The following KCNH5 variants were observed in gnomAD, a reference collection of about 807,000 sequenced individuals.
The protein encoded by KCNH5 is potassium voltage-gated channel subfamily H member 5.
Under a neutral mutation model 96.1 loss-of-function variants are expected in KCNH5, and 46 were observed. That is an observed-to-expected ratio of 0.48 (90% CI 0.38 to 0.61). The LOEUF (loss-of-function observed/expected upper bound fraction) is 0.61. Ranked by LOEUF, KCNH5 falls within the 20% of genes least tolerant of loss-of-function variation. The pLI is 0.00. For missense variants in KCNH5, 907 were observed against 1,225.8 expected (o/e 0.74, Z 3.88); for synonymous variants, 439 against 449.8 (o/e 0.98, Z 0.30).
rs576747522 is a variant in KCNH5, at chr14:63,013,598, T to C, written c.197+3233A>G. On this transcript the variant is annotated intron_variant, in intron 2 of 10. Transcript: ENST00000322893. The stretch of plus-strand genomic sequence containing the variant: ...ATTTTCTTTTTTTCTCTCTCTGTTA[T>C]TTTGTGTCTCACACTTAAAGGCTTT... Among the ~76,000 whole-genome samples the C allele has an allele frequency of 1.4e-4, 21 of 152,146 alleles. No homozygotes were observed. In the East Asian group the frequency reaches 3.3e-3, roughly 24 times the overall value.
chr14:62,986,714 G>A (rs558998732), intron 5 of KCNH5, among the ~76,000 whole-genome samples: 2 of 152,172 alleles, frequency 1.3e-5, no homozygotes, highest in South Asian at 4.1e-4. Flanking sequence ...TTGATGACAG[G>A]GCCCATTTCT....
chr14:62,799,726 T>TATATATATATACACAC (rs1213484157), intron 9 of KCNH5, among the ~76,000 whole-genome samples: 27 of 68,644 alleles, frequency 3.9e-4, no homozygotes, highest in Non-Finnish European at 5.2e-4. Context: ...TATATATATA[T>TATATATATATACACAC]ACACACACAC....
chr14:62,984,936 G>A (rs946611551), intron 5 of KCNH5, among the ~76,000 whole-genome samples: 12 of 152,178 alleles, frequency 7.9e-5, no homozygotes, highest in Admixed American at 5.9e-4. Flanking sequence ...ACTTGTTGTC[G>A]CTCTGTTGTG....
rs144469418 is a variant in KCNH5, at chr14:62,947,122, G to A, written c.1369+3011C>T. On this transcript the variant is annotated intron_variant, in intron 7 of 10. Coordinates refer to ENST00000322893, the MANE Select transcript of KCNH5 (RefSeq NM_139318.5). ...TAATTATTGGAGGAAACTAGGTGAA[G>A]GTAACAAAGGCCCTCTCCACACTAT... Among the ~76,000 whole-genome samples, 374 of 152,188 alleles carry A rather than the reference G, an allele frequency of 2.5e-3. 2 individuals carry two copies. Among genetic ancestry groups the A allele is most frequent in the African/African-American group, 8.7e-3 (361 of 41,534 alleles).
intron 9 of KCNH5, among the ~76,000 whole-genome samples, chr14:62,801,990 C>G (rs1886671305): frequency 6.6e-6 from 1 of 152,140 alleles, no homozygotes; most frequent in South Asian, 2.1e-4. Context: ...CTGAGACTAA[C>G]ACCCTTCATC....
At chr14:62,978,538 G>T (rs916286269) in intron 6 of KCNH5, among the ~76,000 whole-genome samples, 22 of 148,094 alleles carry the variant, frequency 1.5e-4, no homozygotes, top group Non-Finnish European at 2.5e-4. Flanking sequence ...AGTGAGCCGA[G>T]ACAGAGCCCC....
intron 7 of KCNH5, among the ~76,000 whole-genome samples, chr14:62,900,750 T>G (rs1595676513): frequency 6.6e-6 from 1 of 151,564 alleles, no homozygotes; most frequent in South Asian, 2.1e-4. Flanking sequence ...AACAAAGATA[T>G]GATGAGGAGG....
intron 7 of KCNH5, among the ~76,000 whole-genome samples, chr14:62,946,777 G>C (rs532574989): frequency 6.6e-6 from 1 of 152,224 alleles, no homozygotes; most frequent in East Asian, 1.9e-4. Context: ...ATTCAACTTA[G>C]ATGGATCTCA....
chr14:63,033,621 G>A (rs545101802), intron 1 of KCNH5, among the ~76,000 whole-genome samples: 1 of 152,266 alleles, frequency 6.6e-6, no homozygotes, highest in South Asian at 2.1e-4. Flanking sequence ...CATGAGGTCA[G>A]GGGCCGTGTC....
chr14:63,027,468 C>A, intron 1 of KCNH5, among the ~76,000 whole-genome samples: 1 of 140,844 alleles, frequency 7.1e-6, no homozygotes. Flanking sequence ...TTAAAAACTT[C>A]AAGTTGGTTT....
chr14:62,767,782 G>A (rs1033288965), intron 10 of KCNH5, among the ~76,000 whole-genome samples: 1 of 152,026 alleles, frequency 6.6e-6, no homozygotes, highest in African/African-American at 2.4e-5. Context: ...TTCCCATGTA[G>A]CAAACCTGTA....
At chr14:62,968,180 C>G (rs1464842465) in intron 6 of KCNH5, among the ~76,000 whole-genome samples, 1 of 152,170 alleles carries the variant, frequency 6.6e-6, no homozygotes, top group African/African-American at 2.4e-5. Context: ...AATTTAAAAG[C>G]TTAGATGACA....
At chr14:62,908,915 G>T (rs1448142130) in intron 7 of KCNH5, among the ~76,000 whole-genome samples, 1 of 146,288 alleles carries the variant, frequency 6.8e-6, no homozygotes, top group Non-Finnish European at 1.5e-5. Flanking sequence ...CTGACTCATT[G>T]ACCTACTACC....
chr14:62,978,818 A>G (rs1444149411), intron 6 of KCNH5, among the ~76,000 whole-genome samples: 1 of 152,180 alleles, frequency 6.6e-6, no homozygotes, highest in Non-Finnish European at 1.5e-5. Flanking sequence ...TGTATTTACT[A>G]TGTACAACAT....
intron 4 of KCNH5, among the ~76,000 whole-genome samples, chr14:62,988,759 A>G (rs974810276): frequency 2.0e-5 from 3 of 152,116 alleles, no homozygotes; most frequent in Non-Finnish European, 4.4e-5. Flanking sequence ...ATGAAAAACC[A>G]ACATGCAATC....
At chr14:62,877,997 A>G (rs1258400894) in intron 7 of KCNH5, among the ~76,000 whole-genome samples, 10 of 152,106 alleles carry the variant, frequency 6.6e-5, no homozygotes, top group Admixed American at 6.6e-4. Context: ...CATATACACC[A>G]TGGAATACTA....
At chr14:62,709,307 G>T (rs2139900826) in intron 10 of KCNH5, among the ~76,000 whole-genome samples, 1 of 147,770 alleles carries the variant, frequency 6.8e-6, no homozygotes, top group Admixed American at 6.8e-5. Flanking sequence ...GGCTATAAGT[G>T]TACTGAAAAC....
rs556250403 is a variant in KCNH5, at chr14:62,718,212, T to A, written c.2020-9757A>T. The stretch of plus-strand genomic sequence containing the variant: ...GGTACTCTGTTCACTATTTGGGTGA[T>A]GGGTTCAATAGAAGCCCCAACCTCA... On this transcript the variant is annotated intron_variant, in intron 10 of 10. Coordinates refer to ENST00000322893, the MANE Select transcript of KCNH5 (RefSeq NM_139318.5). 2.6e-5 allele frequency among the ~76,000 whole-genome samples: 4 copies of A among 152,250 alleles called. No homozygotes were observed. In the East Asian group the frequency reaches 7.7e-4, roughly 29 times the overall value.
intron 10 of KCNH5, among the ~76,000 whole-genome samples, chr14:62,748,950 C>T (rs1885437843): frequency 6.6e-6 from 1 of 151,990 alleles, no homozygotes; most frequent in African/African-American, 2.4e-5. Flanking sequence ...GGAACCAAGC[C>T]GATATAGGGT....
Sources: allele counts gnomAD v4.1 joint callset (sites outside exome capture counted in the v4.1 genomes callset), GRCh38; gene constraint gnomAD v4.1.1; transcripts MANE v1.5; gene names NCBI Gene and HGNC (gene_info 2026-07-23, HGNC 2026-07-21).